PKP2: variants seen among roughly 807,000 people sequenced by gnomAD.
PKP2 encodes the protein plakophilin 2.
Under a neutral mutation model 83.4 loss-of-function variants are expected in PKP2, and 73 were observed. That is an observed-to-expected ratio of 0.88 (90% CI 0.72 to 1.06). PKP2 has a LOEUF of 1.06. Among genes scored for constraint, PKP2 ranks in the 50% least tolerant of loss-of-function variants. The pLI, the probability that PKP2 is intolerant of heterozygous loss-of-function variation, is 0.00. For missense variants in PKP2, 966 were observed against 1,065.4 expected (o/e 0.91, Z 1.30); for synonymous variants, 409 against 430.4 (o/e 0.95, Z 0.62).
chr12:32,856,921 G>T (rs1592753151), intron 4 of PKP2, among the ~76,000 whole-genome samples: 2 of 152,240 alleles, frequency 1.3e-5, no homozygotes, highest in Admixed American at 1.3e-4. Context: ...ACTCTTGGTA[G>T]GAGAACTATT....
intron 9 of PKP2, among the ~76,000 whole-genome samples, chr12:32,819,460 C>T (rs1956355568): frequency 1.3e-5 from 2 of 152,050 alleles, no homozygotes; most frequent in African/African-American, 2.4e-5. Flanking sequence ...TGTAAGCTTC[C>T]ATTTAGGGAT....
chr12:32,833,135 C>T (rs537643330), intron 6 of PKP2, among the ~76,000 whole-genome samples: 378 of 152,244 alleles, frequency 2.5e-3, no homozygotes, highest in African/African-American at 8.7e-3. Flanking sequence ...CCCAGCTACT[C>T]GGGAGGCTGA....
chr12:32,816,076 C>T (rs1956316246), intron 9 of PKP2, among the ~76,000 whole-genome samples: 2 of 151,948 alleles, frequency 1.3e-5, no homozygotes, highest in African/African-American at 4.8e-5. Context: ...TGTTTATTGG[C>T]CTTTAAAAAA....
intron 4 of PKP2, among the ~76,000 whole-genome samples, chr12:32,862,314 G>C (rs1956806414): frequency 6.6e-6 from 1 of 152,168 alleles, no homozygotes; most frequent in Non-Finnish European, 1.5e-5. Context: ...AAATAATGCA[G>C]GTTTGCTGGT....
intron 9 of PKP2, among the ~76,000 whole-genome samples, chr12:32,805,671 C>T (rs1956219991): frequency 6.6e-6 from 1 of 152,034 alleles, no homozygotes; most frequent in Non-Finnish European, 1.5e-5. Context: ...TATGTGTCTG[C>T]TTTTTGTACC....
intron 2 of PKP2, 23 bp downstream of exon 2, chr12:32,878,897 G>T: frequency 8.6e-7 from 1 of 1,156,440 alleles, no homozygotes; most frequent in Non-Finnish European, 1.3e-6. Flanking sequence ...TGATCACTAG[G>T]GTTACATTCT....
At chr12:32,849,413 CCCACTATGTTGG>C (rs1956677377) in intron 5 of PKP2, among the ~76,000 whole-genome samples, 1 of 152,062 alleles carries the variant, frequency 6.6e-6, no homozygotes, top group African/African-American at 2.4e-5. Flanking sequence ...GAGACAGGGT[CCCACTATGTTGG>C]CCAGGCTGGT....
At chr12:32,817,702 A>G (rs567335630) in intron 9 of PKP2, among the ~76,000 whole-genome samples, 1 of 152,310 alleles carries the variant, frequency 6.6e-6, no homozygotes, top group East Asian at 1.9e-4. Context: ...ATATTCTTCC[A>G]TGTAATTGTT....
At chr12:32,841,299 G>A in intron 5 of PKP2, 94 bp from the exon 6 acceptor site, 2 of 1,038,796 alleles carry the variant, frequency 1.9e-6, no homozygotes, top group Non-Finnish European at 3.0e-6. Flanking sequence ...CCAGGGCTAT[G>A]ACTAGTCATA....
chr12:32,845,415 G>A (rs1179896112), intron 5 of PKP2, among the ~76,000 whole-genome samples: 1 of 152,128 alleles, frequency 6.6e-6, no homozygotes, highest in African/African-American at 2.4e-5. Flanking sequence ...AGCCAGGCGT[G>A]GTGGCGGGTG....
At chr12:32,793,886 T>C (rs949301106) in intron 11 of PKP2, among the ~76,000 whole-genome samples, 3 of 152,138 alleles carry the variant, frequency 2.0e-5, no homozygotes, top group Non-Finnish European at 4.4e-5. Context: ...TGAGCCACTG[T>C]GCCCAGCCCA....
intron 9 of PKP2, among the ~76,000 whole-genome samples, chr12:32,808,786 C>T (rs760151620): frequency 2.8e-4 from 42 of 152,198 alleles, no homozygotes; most frequent in Middle Eastern, 3.4e-3. Context: ...CACAGGGCTG[C>T]TGTGGTTTGT....
chr12:32,857,911 C>T (rs971836444), intron 4 of PKP2, among the ~76,000 whole-genome samples: 2 of 149,548 alleles, frequency 1.3e-5, no homozygotes, highest in Admixed American at 1.3e-4. Context: ...TCGAAGCATA[C>T]GTAATGATGC....
chr12:32,807,898 C>A (rs1956241435), intron 9 of PKP2, among the ~76,000 whole-genome samples: 2 of 152,180 alleles, frequency 1.3e-5, no homozygotes, highest in African/African-American at 4.8e-5. Context: ...GAGAAGTCTG[C>A]TGTTAGTCTC....
intron 3 of PKP2, among the ~76,000 whole-genome samples, chr12:32,874,133 T>C (rs968108048): frequency 6.6e-6 from 1 of 152,226 alleles, no homozygotes; most frequent in African/African-American, 2.4e-5. Context: ...TGCAGGTTTA[T>C]GGTTTTGTCC....
At chr12:32,887,399 G>A (rs1346409482) in intron 1 of PKP2, among the ~76,000 whole-genome samples, 1 of 152,038 alleles carries the variant, frequency 6.6e-6, no homozygotes, top group African/African-American at 2.4e-5. Flanking sequence ...ACATTTGGGG[G>A]GCAATCCTCA....
intron 6 of PKP2, among the ~76,000 whole-genome samples, chr12:32,826,670 T>C (rs1956445082): frequency 6.6e-6 from 1 of 152,156 alleles, no homozygotes; most frequent in African/African-American, 2.4e-5. Context: ...AAGCTGGAAA[T>C]AAAACAATTT....
Position 32,878,233 on chromosome 12 carries a change from G to T in PKP2, c.647C>A (p.Thr216Lys). The change falls in exon 3 of 13, where the codon ACA becomes AAA. Residue 216 changes from threonine to lysine, a missense_variant. Transcript: ENST00000340811. ...GCCATGCTGGTACTGTCTGTGGTATGTGTCAAAGTGGCGCTGCCTGCTTGT... is the reference window on the plus strand; with the variant it reads ...GCCATGCTGGTACTGTCTGTGGTATTTGTCAAAGTGGCGCTGCCTGCTTGT... ...GTTSRQRHFD[T>K]YHRQYQHGSV... 3 of 1,614,200 alleles carry T rather than the reference G, an allele frequency of 1.9e-6. No individual in the cohort carries two copies. The highest frequency in any genetic ancestry group is 2.5e-6 in the Non-Finnish European group (3 of 1,180,030).
intron 4 of PKP2, among the ~76,000 whole-genome samples, chr12:32,866,852 T>G (rs1197193171): frequency 6.6e-6 from 1 of 152,222 alleles, no homozygotes; most frequent in Non-Finnish European, 1.5e-5. Flanking sequence ...CATGTCTACA[T>G]GAAGACTTGT....
Sources: gnomAD v4.1 joint callset for allele counts (sites outside exome capture counted in the v4.1 genomes callset) on GRCh38, gnomAD v4.1.1 for gene constraint, MANE v1.5 for transcripts, NCBI Gene and HGNC (gene_info 2026-07-23, HGNC 2026-07-21) for gene names.